TTF2: variants seen among roughly 807,000 people sequenced by gnomAD.
TTF2 encodes the protein RNA polymerase II termination factor.
Under a neutral mutation model 142.4 loss-of-function variants are expected in TTF2, and 108 were observed. The ratio of observed to expected loss-of-function variants is 0.76; its 90% CI spans 0.65 to 0.89. The LOEUF (loss-of-function observed/expected upper bound fraction) is 0.89, where lower values mean the gene tolerates loss of function less well. Among genes scored for constraint, TTF2 ranks in the 40% least tolerant of loss-of-function variants. TTF2 has a pLI of 0.00. For synonymous variants in TTF2, 483 were observed against 506.2 expected, an observed-to-expected ratio of 0.95 and a Z score of 0.61; for missense variants, 1,327 against 1,379.8, an observed-to-expected ratio of 0.96 and a Z score of 0.61.
At position 117,075,512 on chromosome 1, in the gene TTF2, CAG is replaced by C. The variant is rs778745869; in HGVS notation, c.929_930del (p.Gln310ArgfsTer33). ...ACAGGCCACCCAGAAAAGCCTGCCTCAGGGGCATTTCCAAGAGCGGCCGGAGA... is the reference window on the plus strand; with the variant it reads ...ACAGGCCACCCAGAAAAGCCTGCCTCGGGCATTTCCAAGAGCGGCCGGAGA... The part of the protein sequence containing the change: ...SIQATQKSLP[Q>X]GHFQERPETH... On this transcript the variant is annotated frameshift_variant, in exon 5 of 23. Transcript: ENST00000369466. LOFTEE classifies it high-confidence loss of function. The surrounding 1 kb of genome is among the most constrained non-coding windows in gnomAD (Gnocchi z 4.5). 14 of 1,614,184 alleles carry C rather than the reference CAG, an allele frequency of 8.7e-6. No individual in the cohort carries two copies. Among genetic ancestry groups the C allele is most frequent in the East Asian group, 4.5e-5 (2 of 44,878 alleles).
At chr1:117,060,587 T>C in intron 2 of TTF2, 30 bp downstream of exon 2, 1 of 1,567,886 alleles carries the variant, frequency 6.4e-7, no homozygotes, top group Non-Finnish European at 8.7e-7. Context: ...CCACTCCCTG[T>C]GGCTGCCCGG....
At position 117,065,258 on chromosome 1, in the gene TTF2, T is replaced by C. The variant is rs140423606; in HGVS notation, c.218+2785T>C. Reference sequence around the variant, plus strand: ...TGCATTGAATCTATATAGATCAATTTGGAGAGAATTGTCAATATTGAGGCT... The same window carrying C: ...TGCATTGAATCTATATAGATCAATTCGGAGAGAATTGTCAATATTGAGGCT... On this transcript the variant is annotated intron_variant, in intron 3 of 22. Transcript: ENST00000369466. Among the ~76,000 whole-genome samples, 15 of 152,316 alleles carry C rather than the reference T, an allele frequency of 9.8e-5. No individual in the cohort carries two copies. The East Asian group carries it at 2.9e-3, about 29-fold the overall frequency.
rs951733445 is a variant in TTF2 at position 117,074,732 on chromosome 1, G to T, written c.286-138G>T. On this transcript the variant is annotated intron_variant, in intron 4 of 22. Coordinates refer to ENST00000369466, the MANE Select transcript of TTF2 (RefSeq NM_003594.4). ...CTATTGGGCACTATGCTCACTGCCT[G>T]AGTGCAATATACTCATATAACAAAG... 47 of 756,638 alleles carry T rather than the reference G, an allele frequency of 6.2e-5. No individual in the cohort carries two copies. The South Asian group carries it at 1.1e-3, about 17-fold the overall frequency. The allele number at this position is 756,638 out of a possible 1,614,324, so 46.9% of individuals were successfully genotyped here. A position where few individuals can be genotyped will look rare whatever the true frequency, so the allele number is the denominator to read the frequency against.
Position 117,075,317 on chromosome 1 carries a change from C to T in TTF2, c.733C>T (p.Gln245Ter), listed in dbSNP as rs1656901724. Residue 245 changes from glutamine to a stop codon, truncating the protein, a stop_gained, in exon 5 of 23, where the codon CAA becomes TAA. Transcript: ENST00000369466. LOFTEE classifies it high-confidence loss of function. This position sits in a 1 kb window ranked among gnomAD's most constrained non-coding sequence, Gnocchi z 4.5. ...TCAGGAGAAATCAAGTGGTAAGAGTCAAGATGTCCAAAGAGAATCAGAACC... is the reference window on the plus strand; with the variant it reads ...TCAGGAGAAATCAAGTGGTAAGAGTTAAGATGTCCAAAGAGAATCAGAACC... ...SSQEKSSGKSQDVQRESEPLR... is the reference protein window; with the variant it reads ...SSQEKSSGKS 6.2e-7 allele frequency: 1 copy of T among 1,614,070 alleles called. No homozygotes were observed. The highest frequency in any genetic ancestry group is 1.1e-5 in the South Asian group (1 of 91,072).
At chr1:117,060,822 T>C (rs573667566) in intron 2 of TTF2, among the ~76,000 whole-genome samples, 1 of 152,264 alleles carries the variant, frequency 6.6e-6, no homozygotes, top group African/African-American at 2.4e-5. Flanking sequence ...GGATCCGGTG[T>C]TTTCCAGCTC....
rs1414428276 is a variant in TTF2, at chr1:117,090,329, G to C, written c.2496+121G>C. ...GCCTCTGAGTTTCCCATCCTCCTGT[G>C]AGGAGGCCCCAGGGTTGCAGTTCCA... On this transcript the variant is annotated intron_variant, in intron 14 of 22. Transcript: ENST00000369466. The surrounding 1 kb of genome is among the most constrained non-coding windows in gnomAD (Gnocchi z 4.8). 2 of 1,380,592 alleles carry C rather than the reference G, an allele frequency of 1.4e-6. No individual in the cohort carries two copies. Among genetic ancestry groups the C allele is most frequent in the African/African-American group, 1.5e-5 (1 of 68,904 alleles). The allele number at this position is 1,380,592 out of a possible 1,614,324, so 85.5% of individuals were successfully genotyped here. A position where few individuals can be genotyped will look rare whatever the true frequency, so the allele number is the denominator to read the frequency against.
chr1:117,075,660 T>A lies in TTF2; in HGVS notation c.1076T>A (p.Val359Asp), dbSNP rs755537686. Residue 359 changes from valine (V) to aspartate (D), a missense_variant, in exon 5 of 23, where the codon GTT (valine) becomes GAT (aspartate). By Grantham distance (152) the Val-to-Asp change is radical. Transcript: ENST00000369466. The surrounding 1 kb of genome is among the most constrained non-coding windows in gnomAD (Gnocchi z 4.5). Reference sequence around the variant, plus strand: ...AGTGACGACGAGGAGGAAGATGATGTTGTTTTTGTTTCCTCTAAGCCTGGG... The same window carrying A: ...AGTGACGACGAGGAGGAAGATGATGATGTTTTTGTTTCCTCTAAGCCTGGG... Reference protein sequence around the residue: ...TSSDDEEEDDVVFVSSKPGSP... With the variant: ...TSSDDEEEDDDVFVSSKPGSP... The A allele has an allele frequency of 1.2e-6, 2 of 1,613,992 alleles. No homozygotes were observed. Among genetic ancestry groups the A allele is most frequent in the East Asian group, 2.2e-5 (1 of 44,874 alleles).
intron 3 of TTF2, among the ~76,000 whole-genome samples, chr1:117,067,046 T>C (rs1656196588): frequency 6.6e-6 from 1 of 152,102 alleles, no homozygotes; most frequent in Non-Finnish European, 1.5e-5. Flanking sequence ...GAAAAATGAG[T>C]GTGCAGCTCT....
At chr1:117,061,086 A>G (rs748727698) in intron 2 of TTF2, among the ~76,000 whole-genome samples, 15 of 152,228 alleles carry the variant, frequency 9.9e-5, no homozygotes, top group Non-Finnish European at 1.8e-4. Context: ...CAAAGAAATT[A>G]GCGCTGGAAG....
At chr1:117,067,524 C>CAAAAAAAA (rs1161287519) in intron 3 of TTF2, among the ~76,000 whole-genome samples, 1 of 40,924 alleles carries the variant, frequency 2.4e-5, no homozygotes, top group Admixed American at 2.3e-4. Flanking sequence ...GACTCAGTCT[C>CAAAAAAAA]AAAAAAAAAA....
chr1:117,090,722 T>A lies in TTF2; in HGVS notation c.2588+99T>A. 9.9e-7 allele frequency: 1 copy of A among 1,009,716 alleles called. No homozygotes were observed. Among genetic ancestry groups the A allele is most frequent in the Non-Finnish European group, 1.5e-6 (1 of 672,774 alleles). The allele number at this position is 1,009,716 out of a possible 1,614,324, so 62.5% of individuals were successfully genotyped here. On this transcript the variant is annotated intron_variant, in intron 15 of 22. Coordinates refer to ENST00000369466, the MANE Select transcript of TTF2 (RefSeq NM_003594.4). The surrounding 1 kb of genome is among the most constrained non-coding windows in gnomAD (Gnocchi z 4.8). ...TCAAATTTCCACAAACTTTATGGCA[T>A]TATTGATTAGTTGGATGTCTGTATT...
intron 13 of TTF2, among the ~76,000 whole-genome samples, chr1:117,089,621 CAAGG>C (rs1447604237): frequency 6.6e-6 from 1 of 152,002 alleles, no homozygotes. Flanking sequence ...CCCAGGAGTT[CAAGG>C]CTGCAGTGAG....
chr1:117,106,601 C>A lies in TTF2; in HGVS notation c.*5077C>A. 1 of 152,342 alleles carries A rather than the reference C, an allele frequency of 6.6e-6. No individual in the cohort carries two copies. The allele number at this position is 152,342 out of a possible 1,614,324, so 9.4% of individuals were successfully genotyped here. A position where few individuals can be genotyped will look rare whatever the true frequency, so the allele number is the denominator to read the frequency against. On this transcript the variant is annotated 3_prime_UTR_variant, in exon 23 of 23. Transcript: ENST00000369466. ...AAGGGAGACAGGCATTAGTCAACCC[C>A]GTGTGGCTGTGAATCAGCCATGATG... is the stretch of plus-strand genomic sequence containing the variant.
intron 9 of TTF2, among the ~76,000 whole-genome samples, chr1:117,081,412 A>C (rs1282000268): frequency 6.6e-6 from 1 of 152,144 alleles, no homozygotes; most frequent in Non-Finnish European, 1.5e-5. Flanking sequence ...AGGGAATGGA[A>C]GGCTATTTTA....
rs138286826 is a variant in TTF2, at chr1:117,060,509, G to A, written c.83G>A (p.Ser28Asn). ...CGCGATGGCCCGAATAAAGGAAAGA[G>A]CTTCTACGTGTGCCGGGCAGACACG... ...GVRDGPNKGK[S>N]FYVCRADTCS... is the part of the protein sequence containing the mutation. Residue 28 changes from serine to asparagine, a missense_variant, in exon 2 of 23, where the codon AGC becomes AAC. Physicochemically the swap from Ser to Asn is conservative, Grantham distance 46 (BLOSUM62 1). Coordinates refer to ENST00000369466, the MANE Select transcript of TTF2 (RefSeq NM_003594.4). 1.6e-3 allele frequency: 2,544 copies of A among 1,614,096 alleles called. 34 individuals are homozygous for A. In the African/African-American group the frequency reaches 0.03, roughly 19 times the overall value.
chr1:117,091,217 G>A (rs1471119313), intron 15 of TTF2, 111 bp from the exon 16 acceptor site: 1 of 792,426 alleles, frequency 1.3e-6, no homozygotes, highest in Non-Finnish European at 1.9e-6. Flanking sequence ...TTATGAGCTT[G>A]GCATCATTTA....
Position 117,075,209 on chromosome 1 carries a change from G to A in TTF2, c.625G>A (p.Gly209Arg), listed in dbSNP as rs2101421222. 3 of 1,614,186 alleles carry A rather than the reference G, an allele frequency of 1.9e-6. 1 individual carries two copies. Among genetic ancestry groups the A allele is most frequent in the Non-Finnish European group, 2.5e-6 (3 of 1,180,042 alleles). Residue 209 changes from glycine to arginine, a missense_variant, in exon 5 of 23, where the codon GGA becomes AGA. Coordinates refer to ENST00000369466, the MANE Select transcript of TTF2 (RefSeq NM_003594.4). The surrounding 1 kb of genome is among the most constrained non-coding windows in gnomAD (Gnocchi z 4.5). ...AGAGATTCAGTGTGAGGCAGAGACT[G>A]GAGGCACACACAAAAGAGACTTTTC... ...GAEIQCEAET[G>R]GTHKRDFSEI...
Position 117,075,094 on chromosome 1 carries a change from G to A in TTF2, c.510G>A (p.Lys170=). Residue 170 remains lysine, a synonymous_variant, in exon 5 of 23, where the codon AAG becomes AAA. Coordinates refer to ENST00000369466, the MANE Select transcript of TTF2 (RefSeq NM_003594.4). This position sits in a 1 kb window ranked among gnomAD's most constrained non-coding sequence, Gnocchi z 4.5. The stretch of plus-strand genomic sequence containing the variant: ...TTTTCGATCAAAAGAAAGAACAGAA[G>A]CCTGAAATGATGGAGAAAGACCTCT... ...DQLFDQKKEQ[K]PEMMEKDLSS... is the part of the protein sequence containing the mutation. 1.2e-6 allele frequency: 2 copies of A among 1,614,096 alleles called. No individual in the cohort carries two copies. Among genetic ancestry groups the A allele is most frequent in the Non-Finnish European group, 1.7e-6 (2 of 1,180,010 alleles).
chr1:117,073,291 T>C lies in TTF2; in HGVS notation c.219-370T>C, dbSNP rs1182775658. The stretch of plus-strand genomic sequence containing the variant: ...TTTTGGGGTTTTTTTTGGGGCAACA[T>C]TGCTTTGTAGCTAGTGTTGTGACCC... On this transcript the variant is annotated intron_variant, in intron 3 of 22. Coordinates refer to ENST00000369466, the MANE Select transcript of TTF2 (RefSeq NM_003594.4). The surrounding 1 kb of genome is among the most constrained non-coding windows in gnomAD (Gnocchi z 4.4). Among the ~76,000 whole-genome samples, 3 of 152,198 alleles carry C rather than the reference T, an allele frequency of 2.0e-5. No individual in the cohort carries two copies. Among genetic ancestry groups the C allele is most frequent in the Admixed American group, 6.5e-5 (1 of 15,276 alleles).
Sources: allele counts gnomAD v4.1 joint callset (sites outside exome capture counted in the v4.1 genomes callset), GRCh38; gene constraint gnomAD v4.1.1; non-coding constraint Gnocchi (gnomAD v3.1); transcripts MANE v1.5; gene names NCBI Gene and HGNC (gene_info 2026-07-23, HGNC 2026-07-21).